Variants in PZP observed in about 807,000 individuals in gnomAD.
PZP encodes the protein pregnancy zone protein.
PZP carries 150 observed loss-of-function variants against 179.8 expected under a neutral mutation model. That is an observed-to-expected ratio of 0.83 (90% CI 0.73 to 0.96). The LOEUF (loss-of-function observed/expected upper bound fraction) is 0.96. PZP is among the 40% of genes least tolerant of loss of function. The probability of loss-of-function intolerance (pLI) is 0.00; values close to 1 mark genes in which losing one functional copy is unlikely to be tolerated. For synonymous variants in PZP, 624 were observed against 652.3 expected (o/e 0.96, Z 0.66); for missense variants, 1,689 against 1,764.0 (o/e 0.96, Z 0.76).
chr12:9,168,587 C>T (rs1286705253), intron 17 of PZP: 1 of 296,632 alleles, frequency 3.4e-6, no homozygotes. Flanking sequence ...ATCAGAATTA[C>T]TCTTTCTTTC....
At chr12:9,174,662 C>A (rs111691687) in intron 15 of PZP, among the ~76,000 whole-genome samples, 12,453 of 152,022 alleles carry the variant, frequency 0.082, 694 homozygotes, top group African/African-American at 0.16. Context: ...TTCTATACAC[C>A]AACAACAGGC....
intron 11 of PZP, among the ~76,000 whole-genome samples, chr12:9,193,851 T>C (rs1943593322): frequency 6.6e-6 from 1 of 152,174 alleles, no homozygotes; most frequent in South Asian, 2.1e-4. Flanking sequence ...TTTCATACTA[T>C]ATAAAATGTT....
chr12:9,193,763 G>C (rs1943588631), intron 11 of PZP, among the ~76,000 whole-genome samples: 1 of 151,946 alleles, frequency 6.6e-6, no homozygotes, highest in African/African-American at 2.4e-5. Flanking sequence ...AAGTGACCTG[G>C]AAAAAATAAC....
chr12:9,165,843 T>C (rs1270813787), intron 18 of PZP, among the ~76,000 whole-genome samples: 2 of 152,210 alleles, frequency 1.3e-5, no homozygotes, highest in East Asian at 3.8e-4. Flanking sequence ...TTTGACAGTA[T>C]CAGAAATAAT....
the PZP span, among the ~76,000 whole-genome samples, chr12:9,139,248 G>C: frequency 6.6e-6 from 1 of 151,880 alleles, no homozygotes; most frequent in East Asian, 1.9e-4. Context: ...TCTTCCTTCT[G>C]TTATTGATTT....
intron 15 of PZP, among the ~76,000 whole-genome samples, chr12:9,174,750 A>G (rs1209257872): frequency 6.6e-6 from 1 of 152,202 alleles, no homozygotes; most frequent in Non-Finnish European, 1.5e-5. Context: ...AATACAGCTA[A>G]CAAGGGAAGT....
chr12:9,206,476 T>G lies in PZP; in HGVS notation c.83+1783A>C, dbSNP rs148779285. On this transcript the variant is annotated intron_variant, in intron 1 of 35. Transcript: ENST00000261336. ...CTGCTAAAATGTTTTAATATATGTT[T>G]ACTCAATCATGAATGTTTGCATTTT... Among the ~76,000 whole-genome samples, 375 of 152,344 alleles carry G rather than the reference T, an allele frequency of 2.5e-3. 2 individuals carry two copies. Among genetic ancestry groups the G allele is most frequent in the African/African-American group, 8.4e-3 (350 of 41,588 alleles).
At chr12:9,157,426 T>A in intron 27 of PZP, 71 bp from the exon 28 acceptor site, 1 of 1,395,596 alleles carries the variant, frequency 7.2e-7, no homozygotes, top group Non-Finnish European at 9.8e-7. Context: ...AGCTGGATAT[T>A]GACAGTCAGA....
rs1384182567 is a variant in PZP, at chr12:9,180,998, C to A, written c.1824G>T (p.Glu608Asp). 1 of 1,613,738 alleles carries A rather than the reference C, an allele frequency of 6.2e-7. No homozygotes were observed. The highest frequency in any genetic ancestry group is 8.5e-7 in the Non-Finnish European group (1 of 1,179,834). ...QSVLLMKPEA[E>D]LSVSSVYNLL... ...GGAAACTCACTGAGGACACAGAGAG[C>A]TCAGCCTCAGGCTTCATGAGCAGCA... Residue 608 changes from glutamate (E) to aspartate (D), a missense_variant, in exon 15 of 36, where the codon GAG becomes GAT. By Grantham distance (45) the Glu-to-Asp change is conservative. Transcript: ENST00000261336.
intron 21 of PZP, 25 bp from the exon 22 acceptor site, chr12:9,162,673 G>A: frequency 6.5e-7 from 1 of 1,540,036 alleles, no homozygotes; most frequent in Non-Finnish European, 9.0e-7. Flanking sequence ...AAGAAAAGGA[G>A]AAAAGATAGA....
intron 27 of PZP, 89 bp downstream of exon 27, chr12:9,157,678 T>C: frequency 8.5e-7 from 1 of 1,180,776 alleles, no homozygotes; most frequent in Non-Finnish European, 1.2e-6. Context: ...AACCAAAAGA[T>C]ACTTGAGACT....
intron 15 of PZP, among the ~76,000 whole-genome samples, chr12:9,174,361 T>C (rs1373219006): frequency 1.3e-5 from 2 of 152,126 alleles, no homozygotes; most frequent in East Asian, 3.9e-4. Context: ...ACACAGCCAA[T>C]ATCATACTGA....
chr12:9,143,114 T>G, the PZP span, among the ~76,000 whole-genome samples: 1 of 152,164 alleles, frequency 6.6e-6, no homozygotes, highest in Non-Finnish European at 1.5e-5. Context: ...GGGGTGAGGG[T>G]TGAGGTTAGA....
chr12:9,187,696 A>G (rs1257158901), intron 13 of PZP, among the ~76,000 whole-genome samples: 2 of 152,350 alleles, frequency 1.3e-5, no homozygotes, highest in African/African-American at 4.8e-5. Flanking sequence ...TAAGAGGGAA[A>G]CTTATAGCAC....
rs189692842 is a variant in PZP at position 9,190,918 on chromosome 12, A to G, written c.1546+1275T>C. 6.6e-5 allele frequency among the ~76,000 whole-genome samples: 10 copies of G among 152,318 alleles called. No homozygotes were observed. In the East Asian group the frequency reaches 1.9e-3, roughly 29 times the overall value. ...AATTGTGAATAAAATTTGTTCTTTT[A>G]TCATAGAGGTGTAAGTGCTTTTGAT... On this transcript the variant is annotated intron_variant, in intron 13 of 35. Transcript: ENST00000261336.
Position 9,162,648 on chromosome 12 carries a change from C to G in PZP, c.2737G>C (p.Ala913Pro). ...GTCTTTTCTTGCTCAATACCTTCAG[C>G]CTTGGATGAAAGGAAAGAAAAGGAG... ...DTVIKTLLVE[A>P]EGIEQEKTFS... The change falls in exon 22 of 36, where the codon GCT (alanine) becomes CCT (proline). Residue 913 changes from alanine (A) to proline (P), a missense_variant and splice_region_variant. Physicochemically the swap from Ala to Pro is conservative, Grantham distance 27 (BLOSUM62 -1). Coordinates refer to ENST00000261336, the MANE Select transcript of PZP (RefSeq NM_002864.3). 1.3e-6 allele frequency: 2 copies of G among 1,589,780 alleles called. No homozygotes were observed. The highest frequency in any genetic ancestry group is 1.7e-6 in the Non-Finnish European group (2 of 1,159,094).
chr12:9,186,028 G>C (rs1025296166), intron 13 of PZP, among the ~76,000 whole-genome samples: 25 of 151,782 alleles, frequency 1.6e-4, no homozygotes, highest in South Asian at 6.2e-4. Flanking sequence ...GGATGGTCTC[G>C]ATCTCCTGAC....
the PZP span, among the ~76,000 whole-genome samples, chr12:9,140,913 C>A: frequency 1.8e-3 from 272 of 152,228 alleles, 1 homozygote; most frequent in Non-Finnish European, 2.8e-3. Flanking sequence ...GGTAAAATAA[C>A]CAGTTTTTCA....
intron 33 of PZP, among the ~76,000 whole-genome samples, chr12:9,151,067 C>T (rs981939005): frequency 2.0e-5 from 3 of 152,152 alleles, no homozygotes; most frequent in Non-Finnish European, 2.9e-5. Flanking sequence ...ATTAAAACAA[C>T]GAAGTATTCT....
Sources: gnomAD v4.1 joint callset for allele counts (sites outside exome capture counted in the v4.1 genomes callset) on GRCh38, gnomAD v4.1.1 for gene constraint, MANE v1.5 for transcripts, NCBI Gene and HGNC (gene_info 2026-07-23, HGNC 2026-07-21) for gene names.